ME3: variants seen among roughly 807,000 people sequenced by gnomAD.
ME3 encodes the protein malic enzyme 3, also known as NADP-dependent malic enzyme, mitochondrial.
A neutral mutation model predicts 68.9 loss-of-function variants in ME3; 48 were observed. The observed-to-expected ratio is 0.70, with a 90% CI of 0.55 to 0.89. ME3 has a LOEUF of 0.89. Among genes scored for constraint, ME3 ranks in the 40% least tolerant of loss-of-function variants. ME3 has a pLI of 0.00. For synonymous variants in ME3, 320 were observed against 318.8 expected (o/e 1.00, Z -0.04); for missense variants, 675 against 797.4 (o/e 0.85, Z 1.85).
chr11:86,645,882 GCATC>G (rs1339364086), intron 2 of ME3, among the ~76,000 whole-genome samples: 1 of 152,220 alleles, frequency 6.6e-6, no homozygotes, highest in Non-Finnish European at 1.5e-5. Context: ...CTGTTCTGCA[GCATC>G]TGCTGGTGAT....
At chr11:86,468,965 C>G (rs1401548622) in intron 7 of ME3, among the ~76,000 whole-genome samples, 2 of 152,060 alleles carry the variant, frequency 1.3e-5, no homozygotes, top group African/African-American at 4.8e-5. Flanking sequence ...GCTATGTACT[C>G]TATTGCACTT....
chr11:86,661,501 G>T (rs1253711877), intron 2 of ME3, among the ~76,000 whole-genome samples: 1 of 152,084 alleles, frequency 6.6e-6, no homozygotes, highest in Admixed American at 6.6e-5. Flanking sequence ...TGAAGATGAG[G>T]TCTCTTACAG....
chr11:86,553,205 C>T (rs1365778981), intron 4 of ME3, among the ~76,000 whole-genome samples: 1 of 152,178 alleles, frequency 6.6e-6, no homozygotes, highest in Admixed American at 6.5e-5. Context: ...CACTCAGGTG[C>T]CCCTGAGATA....
intron 2 of ME3, among the ~76,000 whole-genome samples, chr11:86,605,092 T>C (rs2135150301): frequency 6.6e-6 from 1 of 152,360 alleles, no homozygotes; most frequent in South Asian, 2.1e-4. Flanking sequence ...ACAAACGGAA[T>C]CATAACGTAT....
intron 2 of ME3, among the ~76,000 whole-genome samples, chr11:86,615,467 A>G (rs768834964): frequency 2.0e-5 from 3 of 152,206 alleles, no homozygotes; most frequent in Non-Finnish European, 4.4e-5. Flanking sequence ...AAGACTCAAC[A>G]TCAGGTAGTA....
At chr11:86,628,034 C>T (rs1314886502) in intron 2 of ME3, among the ~76,000 whole-genome samples, 1 of 152,244 alleles carries the variant, frequency 6.6e-6, no homozygotes, top group Non-Finnish European at 1.5e-5. Context: ...GCCTGAGAGA[C>T]AGCAAAGAAC....
chr11:86,626,608 T>C (rs4944611), intron 2 of ME3, among the ~76,000 whole-genome samples: 58,686 of 152,050 alleles, frequency 0.39, 11,992 homozygotes, highest in East Asian at 0.7. Flanking sequence ...ACCCCTGTGA[T>C]ACCTTAGAGC....
At chr11:86,521,892 T>G (rs1276473824) in intron 4 of ME3, among the ~76,000 whole-genome samples, 1 of 152,156 alleles carries the variant, frequency 6.6e-6, no homozygotes, top group African/African-American at 2.4e-5. Flanking sequence ...TGAAGTGGCT[T>G]ACAGTTGGCC....
chr11:86,539,581 C>G (rs928543058), intron 4 of ME3, among the ~76,000 whole-genome samples: 1 of 152,106 alleles, frequency 6.6e-6, no homozygotes, highest in African/African-American at 2.4e-5. Context: ...AATAAGAAGA[C>G]AGTCTGTATG....
chr11:86,569,362 CCT>C (rs1359422574), intron 2 of ME3, among the ~76,000 whole-genome samples: 2 of 152,164 alleles, frequency 1.3e-5, no homozygotes, highest in African/African-American at 4.8e-5. Context: ...CACCAGCACC[CCT>C]GTTCCCCATT....
intron 2 of ME3, among the ~76,000 whole-genome samples, chr11:86,599,407 A>G (rs1460881204): frequency 6.6e-6 from 1 of 152,218 alleles, no homozygotes; most frequent in South Asian, 2.1e-4. Context: ...GAGAAAAAAG[A>G]ATAAAAAGAA....
chr11:86,672,228 C>T, intron 1 of ME3, 96 bp downstream of exon 1: 3 of 378,714 alleles, frequency 7.9e-6, no homozygotes, highest in East Asian at 8.3e-5. Flanking sequence ...CCCCTGCCCC[C>T]ATCCCTGTGA....
intron 5 of ME3, among the ~76,000 whole-genome samples, chr11:86,500,073 C>T (rs146835035): frequency 2.6e-5 from 4 of 152,368 alleles, no homozygotes; most frequent in African/African-American, 9.6e-5. Flanking sequence ...GCTTTGGCGC[C>T]ACCCTCTCTG....
intron 5 of ME3, among the ~76,000 whole-genome samples, chr11:86,505,411 A>G (rs1953005829): frequency 6.6e-6 from 1 of 152,252 alleles, no homozygotes; most frequent in Non-Finnish European, 1.5e-5. Flanking sequence ...CAGAGAAGCC[A>G]GAAATCCAAG....
chr11:86,649,926 T>C (rs1007106259), intron 2 of ME3, among the ~76,000 whole-genome samples: 2 of 152,132 alleles, frequency 1.3e-5, no homozygotes, highest in Non-Finnish European at 2.9e-5. Context: ...CAAGCTACCA[T>C]TGACTATCTT....
chr11:86,460,956 CT>C (rs1950197801), intron 8 of ME3, among the ~76,000 whole-genome samples: 1 of 152,198 alleles, frequency 6.6e-6, no homozygotes, highest in Non-Finnish European at 1.5e-5. Context: ...CCCTAACCAG[CT>C]TGTGACTGTG....
intron 4 of ME3, among the ~76,000 whole-genome samples, chr11:86,533,006 C>G (rs374242717): frequency 1.3e-5 from 2 of 151,566 alleles, no homozygotes; most frequent in African/African-American, 4.9e-5. Flanking sequence ...GAGCTGAGAT[C>G]GCATCATTGC....
At chr11:86,572,587 T>A (rs1334955180) in intron 2 of ME3, among the ~76,000 whole-genome samples, 1 of 152,190 alleles carries the variant, frequency 6.6e-6, no homozygotes, top group Non-Finnish European at 1.5e-5. Flanking sequence ...CCAGCTTCAT[T>A]CATGTCTCTG....
At chr11:86,631,720 G>A (rs1452257082) in intron 2 of ME3, among the ~76,000 whole-genome samples, 1 of 152,162 alleles carries the variant, frequency 6.6e-6, no homozygotes, top group Non-Finnish European at 1.5e-5. Context: ...CGGGCTGCCA[G>A]GCACTGTTCT....
Sources: gnomAD v4.1 joint callset for allele counts (sites outside exome capture counted in the v4.1 genomes callset) on GRCh38, gnomAD v4.1.1 for gene constraint, MANE v1.5 for transcripts, NCBI Gene and HGNC (gene_info 2026-07-23, HGNC 2026-07-21) for gene names.